Variants in MGST1 observed in about 807,000 individuals in gnomAD.
MGST1 encodes the protein microsomal glutathione S-transferase 1, also known as glutathione S-transferase 12.
MGST1 carries 5 observed loss-of-function variants against 8.9 expected under a neutral mutation model. That is an observed-to-expected ratio of 0.56 (90% CI 0.29 to 1.19). The LOEUF (loss-of-function observed/expected upper bound fraction) is 1.19, where lower values mean the gene tolerates loss of function less well. MGST1 is among the 50% of genes most tolerant of loss of function. The probability of loss-of-function intolerance (pLI) is 0.08; values close to 1 mark genes in which losing one functional copy is unlikely to be tolerated. For synonymous variants in MGST1, 54 were observed against 67.8 expected (o/e 0.80, Z 1.00); for missense variants, 182 against 187.4 (o/e 0.97, Z 0.17).
In MGST1 at chr12:16,582,940, A is replaced by G. The variant is rs1281933621; in HGVS notation, n.483-6588A>G. The stretch of plus-strand genomic sequence containing the variant: ...CATGCACCTGTAATCCCAGCTACTC[A>G]GGAGGCTAATGCAGGAAAATCTCTT... On this transcript the variant is annotated intron_variant and non_coding_transcript_variant, in intron 4 of 4. Transcript: ENST00000538857. The surrounding 1 kb of genome is among the most constrained non-coding windows in gnomAD (Gnocchi z 4.1). 6.6e-6 allele frequency among the ~76,000 whole-genome samples: 1 copy of G among 151,368 alleles called. No individual in the cohort carries two copies. The highest frequency in any genetic ancestry group is 1.5e-5 in the Non-Finnish European group (1 of 67,900).
rs1315018704 is a variant in MGST1, at chr12:16,363,495, T to C, written c.222-300T>C. On this transcript the variant is annotated intron_variant, in intron 3 of 3. Coordinates refer to ENST00000396210, the MANE Select transcript of MGST1 (RefSeq NM_020300.5). The surrounding 1 kb of genome is among the most constrained non-coding windows in gnomAD (Gnocchi z 4.6). Reference sequence around the variant, plus strand: ...ACCTCATAAGAAAAAAGTATTTTTATTTACAAAAATGAAATGAGTTCTATT... The same window carrying C: ...ACCTCATAAGAAAAAAGTATTTTTACTTACAAAAATGAAATGAGTTCTATT... 3 of 174,058 alleles carry C rather than the reference T, an allele frequency of 1.7e-5. No homozygotes were observed. Among genetic ancestry groups the C allele is most frequent in the Non-Finnish European group, 3.6e-5 (3 of 83,184 alleles). 10.8% of individuals were successfully genotyped at this position (174,058 alleles called of 1,614,324 possible). A position where few individuals can be genotyped will look rare whatever the true frequency, so the allele number is the denominator to read the frequency against.
intron 4 of MGST1, among the ~76,000 whole-genome samples, chr12:16,588,472 C>A (rs896949302): frequency 5.9e-5 from 9 of 151,926 alleles, no homozygotes; most frequent in Admixed American, 3.3e-4. Context: ...AAATATAATG[C>A]TTTACAAGGC....
intron 2 of MGST1, among the ~76,000 whole-genome samples, chr12:16,357,250 T>A (rs952262978): frequency 1.3e-5 from 2 of 152,190 alleles, no homozygotes; most frequent in African/African-American, 4.8e-5. Context: ...CCCATGTTAT[T>A]TCTTGGTTTG....
chr12:16,576,707 T>C lies in MGST1; in HGVS notation n.483-12821T>C, dbSNP rs1211974562. Among the ~76,000 whole-genome samples the C allele has an allele frequency of 2.0e-5, 3 of 152,226 alleles. No homozygotes were observed. Among genetic ancestry groups the C allele is most frequent in the Non-Finnish European group, 4.4e-5 (3 of 68,040 alleles). ...TAACTGCTGAATTAGAATGTAGAGA[T>C]ATATAAATGGAAATTAACATTCTTG... is the stretch of plus-strand genomic sequence containing the variant. On this transcript the variant is annotated intron_variant and non_coding_transcript_variant, in intron 4 of 4. Coordinates refer to the MGST1 transcript ENST00000538857. This position sits in a 1 kb window ranked among gnomAD's most constrained non-coding sequence, Gnocchi z 4.1.
chr12:16,382,855 C>T (rs933087571), exon 1 of MGST1: 2 of 153,216 alleles, frequency 1.3e-5, no homozygotes, highest in Non-Finnish European at 2.9e-5. Context: ...GTGGGCGCCC[C>T]TCCCCCAGCC....
At chr12:16,543,557 T>C (rs1289161534) in intron 4 of MGST1, among the ~76,000 whole-genome samples, 1 of 151,946 alleles carries the variant, frequency 6.6e-6, no homozygotes, top group Non-Finnish European at 1.5e-5. Flanking sequence ...ATAAAAATAA[T>C]AGTGGTACTA....
chr12:16,406,297 CA>C (rs1411012445), intron 1 of MGST1, among the ~76,000 whole-genome samples: 5 of 152,090 alleles, frequency 3.3e-5, no homozygotes, highest in African/African-American at 1.2e-4. Flanking sequence ...AAATCAGGAA[CA>C]AAATCTCATT....
Position 16,544,728 on chromosome 12 carries a change from C to G in MGST1, n.483-44800C>G, listed in dbSNP as rs1273087923. Among the ~76,000 whole-genome samples the G allele has an allele frequency of 6.6e-6, 1 of 152,018 alleles. No individual in the cohort carries two copies. Among genetic ancestry groups the G allele is most frequent in the African/African-American group, 2.4e-5 (1 of 41,394 alleles). ...TATAATGAGATACTAAAATCGCATA[C>G]ATACTATTCTAGTCAATTTGGGAAA... On this transcript the variant is annotated intron_variant and non_coding_transcript_variant, in intron 4 of 4. Transcript: ENST00000538857. This position sits in a 1 kb window ranked among gnomAD's most constrained non-coding sequence, Gnocchi z 4.8.
At chr12:16,367,922 T>TTTTTTTTTTTTTTTTTTGAAAC (rs1565440579), downstream of MGST1, among the ~76,000 whole-genome samples, 1 of 152,192 alleles carries the variant, frequency 6.6e-6, no homozygotes, top group African/African-American at 2.4e-5. Flanking sequence ...TCCTGTTTCT[T>TTTTTTTTTTTTTTTTTTGAAAC]GGGCTATCCA....
chr12:16,521,261 C>T (rs1941647141), intron 4 of MGST1, among the ~76,000 whole-genome samples: 1 of 151,960 alleles, frequency 6.6e-6, no homozygotes, highest in Non-Finnish European at 1.5e-5. Flanking sequence ...ATAGCCAGAC[C>T]ACAAATAAAA....
chr12:16,488,663 A>G (rs1356437685), intron 4 of MGST1, among the ~76,000 whole-genome samples: 2 of 152,234 alleles, frequency 1.3e-5, no homozygotes, highest in Non-Finnish European at 2.9e-5. Context: ...TAATTAATAC[A>G]TATTATTTTA....
chr12:16,536,246 C>T (rs192308547), intron 4 of MGST1, among the ~76,000 whole-genome samples: 227 of 152,142 alleles, frequency 1.5e-3, no homozygotes, highest in East Asian at 3.9e-3. Context: ...TAGATTTATA[C>T]GCTGACTTTG....
chr12:16,428,408 T>C (rs1472987389), intron 1 of MGST1, among the ~76,000 whole-genome samples: 1 of 151,852 alleles, frequency 6.6e-6, no homozygotes, highest in Non-Finnish European at 1.5e-5. Context: ...TAGATACATA[T>C]TTCTAAAGCT....
At chr12:16,438,827 C>T (rs1242133947), downstream of MGST1, 1 of 151,828 alleles carries the variant, frequency 6.6e-6, no homozygotes, top group African/African-American at 2.4e-5. Context: ...GCTGGCTGCA[C>T]CTACTGTACA....
intron 1 of MGST1, among the ~76,000 whole-genome samples, chr12:16,395,796 T>TACACAC (rs1362282077): frequency 2.2e-5 from 3 of 134,544 alleles, no homozygotes; most frequent in African/African-American, 5.9e-5. Context: ...TATATATATA[T>TACACAC]ATATATATAC....
At chr12:16,435,368 A>G (rs1283185689) in intron 1 of MGST1, among the ~76,000 whole-genome samples, 1 of 151,948 alleles carries the variant, frequency 6.6e-6, no homozygotes, top group East Asian at 1.9e-4. Flanking sequence ...ATTACTACTA[A>G]GGATTTTCTT....
chr12:16,482,541 G>A lies in MGST1; in HGVS notation n.482+98937G>A, dbSNP rs963453861. 2.6e-5 allele frequency among the ~76,000 whole-genome samples: 4 copies of A among 151,786 alleles called. No individual in the cohort carries two copies. The highest frequency in any genetic ancestry group is 5.9e-5 in the Non-Finnish European group (4 of 67,998). ...AGCTACTCGGGAGGCCGAGGCAGGA[G>A]AATTGCTTGAAACTGGGAGGTGGAG... is the stretch of plus-strand genomic sequence containing the variant. On this transcript the variant is annotated intron_variant and non_coding_transcript_variant, in intron 4 of 4. Coordinates refer to the MGST1 transcript ENST00000538857. This position sits in a 1 kb window ranked among gnomAD's most constrained non-coding sequence, Gnocchi z 4.2.
chr12:16,522,739 C>G (rs912786771), intron 4 of MGST1, among the ~76,000 whole-genome samples: 2 of 152,102 alleles, frequency 1.3e-5, no homozygotes, highest in Non-Finnish European at 2.9e-5. Context: ...GTAATCACAG[C>G]AGCTTTAACA....
intron 3 of MGST1, among the ~76,000 whole-genome samples, chr12:16,360,985 C>A: frequency 6.6e-6 from 1 of 151,742 alleles, no homozygotes; most frequent in Middle Eastern, 3.4e-3. Context: ...AGTGTTCCCC[C>A]CCTCCCCGCC....
Sources: gnomAD v4.1 joint callset for allele counts (sites outside exome capture counted in the v4.1 genomes callset) on GRCh38, gnomAD v4.1.1 for gene constraint, Gnocchi (gnomAD v3.1) non-coding constraint, MANE v1.5 for transcripts, NCBI Gene and HGNC (gene_info 2026-07-23, HGNC 2026-07-21) for gene names.